The following ALG12 variants were observed in gnomAD, a reference collection of about 807,000 sequenced individuals.
The protein encoded by ALG12 is ALG12 alpha-1,6-mannosyltransferase.
In ALG12, 36 loss-of-function variants were observed where a neutral mutation model predicts 46.0. The ratio of observed to expected loss-of-function variants is 0.78; its 90% CI spans 0.60 to 1.03. The LOEUF (loss-of-function observed/expected upper bound fraction) is 1.03. Among genes scored for constraint, ALG12 ranks in the 50% least tolerant of loss-of-function variants. ALG12 has a pLI of 0.00. For synonymous variants in ALG12, 326 were observed against 291.6 expected, an observed-to-expected ratio of 1.12 and a Z score of -1.20; for missense variants, 599 against 633.5, an observed-to-expected ratio of 0.95 and a Z score of 0.58.
At chr22:49,907,460 C>T (rs1367677641) in intron 7 of ALG12, among the ~76,000 whole-genome samples, 2 of 152,164 alleles carry the variant, frequency 1.3e-5, no homozygotes, top group African/African-American at 2.4e-5. Context: ...ACATAAGCGC[C>T]TAGTTCAACA....
Position 49,904,318 on chromosome 22 carries a change from C to CAGTG in ALG12, c.1162+15_1162+18dup. The CAGTG allele has an allele frequency of 6.2e-7, 1 of 1,614,172 alleles. No individual in the cohort carries two copies. Among genetic ancestry groups the CAGTG allele is most frequent in the Non-Finnish European group, 8.5e-7 (1 of 1,180,012 alleles). The stretch of plus-strand genomic sequence containing the variant: ...AGTCGGAGCCACAGCAGTCCCCAGG[C>CAGTG]AGTGCCCCCAGCACCCACCTGTCTG... On this transcript the variant is annotated intron_variant, in intron 8 of 9. Transcript: ENST00000330817.
chr22:49,890,581 C>A, the ALG12 span, among the ~76,000 whole-genome samples: 6 of 152,192 alleles, frequency 3.9e-5, no homozygotes, highest in African/African-American at 1.2e-4. Context: ...GATTTCCCAA[C>A]AAAACTCTTG....
chr22:49,913,657 A>C lies in ALG12; in HGVS notation c.109T>G (p.Phe37Val). 6.2e-7 allele frequency: 1 copy of C among 1,614,152 alleles called. No individual in the cohort carries two copies. The highest frequency in any genetic ancestry group is 8.5e-7 in the Non-Finnish European group (1 of 1,180,034). The change falls in exon 2 of 10, where the codon TTC becomes GTC. Residue 37 changes from phenylalanine to valine, a missense_variant. Phe to Val is a conservative substitution (Grantham distance 50, BLOSUM62 -1). Coordinates refer to ENST00000330817, the MANE Select transcript of ALG12 (RefSeq NM_024105.4). ...AGGTCATGTGTGGCCTGCAGGTTGAAGCTCTCCTCCACTTTGGTGTAGGGA... is the reference window on the plus strand; with the variant it reads ...AGGTCATGTGTGGCCTGCAGGTTGACGCTCTCCTCCACTTTGGTGTAGGGA... ...ICPYTKVEESFNLQATHDLLY... is the reference protein window; with the variant it reads ...ICPYTKVEESVNLQATHDLLY...
At chr22:49,897,274 C>A (rs906878974), downstream of ALG12, among the ~76,000 whole-genome samples, 1 of 152,202 alleles carries the variant, frequency 6.6e-6, no homozygotes, top group Non-Finnish European at 1.5e-5. Context: ...TATGAATACA[C>A]CTGCTATGAA....
chr22:49,864,904 TC>T, the ALG12 span, among the ~76,000 whole-genome samples: 3 of 129,640 alleles, frequency 2.3e-5, no homozygotes, highest in African/African-American at 6.7e-5. Flanking sequence ...GTTCAGATGC[TC>T]CTTGATTGAC....
rs944042900 is a variant in ALG12 at position 49,907,711 on chromosome 22, G to A, written c.992+10C>T. On this transcript the variant is annotated intron_variant, in intron 7 of 9. Transcript: ENST00000330817. Reference sequence around the variant, plus strand: ...ACTATAAAAATGCATGTCACAAAAAGAGCACTCACAGGTAGGAGCAGCCTC... The same window carrying A: ...ACTATAAAAATGCATGTCACAAAAAAAGCACTCACAGGTAGGAGCAGCCTC... The A allele has an allele frequency of 1.2e-6, 2 of 1,612,680 alleles. No individual in the cohort carries two copies. The highest frequency in any genetic ancestry group is 2.7e-5 in the African/African-American group (2 of 74,876).
the ALG12 span, chr22:49,884,532 C>G: frequency 4.3e-6 from 7 of 1,613,966 alleles, no homozygotes; most frequent in Non-Finnish European, 5.9e-6. Flanking sequence ...GGTCCGCTGT[C>G]TGGAAGCACT....
At chr22:49,889,492 G>C in the ALG12 span, 1 of 167,004 alleles carries the variant, frequency 6.0e-6, no homozygotes, top group African/African-American at 2.4e-5. Flanking sequence ...TAAGCTTTCA[G>C]CTTCATGCTG....
chr22:49,895,638 C>T (rs867183240), downstream of ALG12, among the ~76,000 whole-genome samples: 4 of 147,040 alleles, frequency 2.7e-5, no homozygotes, highest in Admixed American at 6.8e-5. Flanking sequence ...GACAACAGAG[C>T]GAGACTCCAT....
chr22:49,894,459 A>G, the ALG12 span, among the ~76,000 whole-genome samples: 2 of 152,248 alleles, frequency 1.3e-5, no homozygotes, highest in African/African-American at 2.4e-5. Context: ...TATCGAGTCC[A>G]AGGATGCAGA....
At chr22:49,897,103 C>T (rs1206514276), downstream of ALG12, among the ~76,000 whole-genome samples, 2 of 142,262 alleles carry the variant, frequency 1.4e-5, no homozygotes, top group Non-Finnish European at 3.0e-5. Flanking sequence ...CAGTATGTAG[C>T]CTTTTCAGAC....
chr22:49,887,360 C>T, the ALG12 span: 18 of 535,906 alleles, frequency 3.4e-5, no homozygotes, highest in Admixed American at 1.4e-4. Flanking sequence ...GGCCAAGTTT[C>T]GCGGGGTGTT....
the ALG12 span, among the ~76,000 whole-genome samples, chr22:49,871,995 C>T: frequency 1.8e-4 from 28 of 152,076 alleles, no homozygotes; most frequent in African/African-American, 5.8e-4. Flanking sequence ...CCGCCTGCCT[C>T]GGCCTACCAA....
At chr22:49,869,848 T>C in the ALG12 span, among the ~76,000 whole-genome samples, 2 of 152,330 alleles carry the variant, frequency 1.3e-5, no homozygotes, top group African/African-American at 2.4e-5. Flanking sequence ...ATCAGGCACA[T>C]GTGCAGGTTC....
At chr22:49,913,932 C>T (rs2060596195) in intron 1 of ALG12, 89 bp from the exon 2 acceptor site, 1 of 802,440 alleles carries the variant, frequency 1.2e-6, no homozygotes, top group Non-Finnish European at 2.0e-6. Flanking sequence ...GCAGAATTCT[C>T]TGAACTACTG....
At chr22:49,878,739 T>A in the ALG12 span, among the ~76,000 whole-genome samples, 3 of 152,104 alleles carry the variant, frequency 2.0e-5, no homozygotes, top group Non-Finnish European at 4.4e-5. Flanking sequence ...CTCTTCAAAA[T>A]ACACTAGTAA....
chr22:49,915,227 G>A (rs796959241), intron 1 of ALG12, among the ~76,000 whole-genome samples: 9 of 152,298 alleles, frequency 5.9e-5, no homozygotes, highest in African/African-American at 2.2e-4. Flanking sequence ...AAAACCTGGG[G>A]CCGGGCGCGG....
intron 7 of ALG12, 80 bp from the exon 8 acceptor site, chr22:49,904,586 A>AG (rs1279090139): frequency 6.6e-7 from 1 of 1,504,856 alleles, no homozygotes; most frequent in African/African-American, 1.4e-5. Flanking sequence ...TACTAGGAGC[A>AG]TAACCTGCTG....
chr22:49,904,338 T>C lies in ALG12; in HGVS notation c.1161A>G (p.Thr387=). The C allele has an allele frequency of 6.2e-7, 1 of 1,614,108 alleles. No homozygotes were observed. Among genetic ancestry groups the C allele is most frequent in the Non-Finnish European group, 8.5e-7 (1 of 1,180,000 alleles). ...QRLHQLVPPQ[T]DVLLHIDVAA... ...CCAGGCAGTGCCCCCAGCACCCACC[T>C]GTCTGGGGGGGCACCAGCTGGTGCA... The change falls in exon 8 of 10, where the codon ACA becomes ACG. Residue 387 remains threonine (T), a splice_region_variant and synonymous_variant. Coordinates refer to ENST00000330817, the MANE Select transcript of ALG12 (RefSeq NM_024105.4).
Sources: allele counts gnomAD v4.1 joint callset (sites outside exome capture counted in the v4.1 genomes callset), GRCh38; gene constraint gnomAD v4.1.1; transcripts MANE v1.5; gene names NCBI Gene and HGNC (gene_info 2026-07-23, HGNC 2026-07-21).